Variants in GRIN2A observed in about 807,000 individuals in gnomAD.
GRIN2A encodes the protein glutamate ionotropic receptor NMDA type subunit 2A, also known as glutamate receptor ionotropic, NMDA 2A.
Under a neutral mutation model 113.4 loss-of-function variants are expected in GRIN2A, and 22 were observed. The observed-to-expected ratio is 0.19, with a 90% CI of 0.14 to 0.28. The LOEUF is 0.28. Among genes scored for constraint, GRIN2A ranks in the 10% least tolerant of loss-of-function variants. The pLI is 1.00. For synonymous variants in GRIN2A, 827 were observed against 738.4 expected (o/e 1.12, Z -1.94); for missense variants, 1,502 against 1,887.0 (o/e 0.80, Z 3.78).
intron 2 of GRIN2A, among the ~76,000 whole-genome samples, chr16:10,131,853 C>T (rs145647892): frequency 4.9e-4 from 74 of 152,158 alleles, no homozygotes; most frequent in African/African-American, 8.7e-4. Context: ...AAGAGTAATT[C>T]GCCATTATTA....
chr16:10,181,581 T>G (rs1004690822), intron 1 of GRIN2A: 7 of 152,180 alleles, frequency 4.6e-5, no homozygotes, highest in African/African-American at 1.7e-4. Context: ...TGCACAGCCC[T>G]GCGTACCTGC....
chr16:10,065,930 G>T (rs1026080883), intron 2 of GRIN2A, among the ~76,000 whole-genome samples: 2 of 152,080 alleles, frequency 1.3e-5, no homozygotes, highest in Non-Finnish European at 2.9e-5. Flanking sequence ...GGTCTCTTAC[G>T]AATAGAGAGC....
intron 2 of GRIN2A, among the ~76,000 whole-genome samples, chr16:10,177,483 T>C (rs1238786790): frequency 6.6e-6 from 1 of 152,176 alleles, no homozygotes; most frequent in Non-Finnish European, 1.5e-5. Context: ...ATCAGGAGTA[T>C]CGAATCCCCT....
intron 2 of GRIN2A, among the ~76,000 whole-genome samples, chr16:10,056,854 G>T (rs915556959): frequency 6.6e-6 from 1 of 152,184 alleles, no homozygotes; most frequent in Non-Finnish European, 1.5e-5. Context: ...CTAGCCTCTA[G>T]AACTGTGATA....
chr16:9,885,870 T>A (rs1166474589), intron 4 of GRIN2A, among the ~76,000 whole-genome samples: 1 of 152,268 alleles, frequency 6.6e-6, no homozygotes, highest in Admixed American at 6.5e-5. Context: ...GCAGTATTTG[T>A]GCATTCTAAG....
chr16:10,084,825 G>A (rs1053977144), intron 2 of GRIN2A, among the ~76,000 whole-genome samples: 2 of 151,864 alleles, frequency 1.3e-5, no homozygotes, highest in African/African-American at 4.8e-5. Flanking sequence ...GATATGGAGT[G>A]AGCTTAATGT....
intron 3 of GRIN2A, among the ~76,000 whole-genome samples, chr16:9,918,795 T>C (rs774680600): frequency 6.8e-6 from 1 of 148,088 alleles, no homozygotes; most frequent in African/African-American, 2.5e-5. Flanking sequence ...CTGTAAATTA[T>C]GCAACCAAAG....
At chr16:9,925,569 A>G (rs1435288338) in intron 3 of GRIN2A, among the ~76,000 whole-genome samples, 4 of 152,160 alleles carry the variant, frequency 2.6e-5, no homozygotes, top group Non-Finnish European at 2.9e-5. Context: ...CCACACTTGA[A>G]TCCCCTATCC....
At chr16:9,967,742 G>A (rs1216808726) in intron 2 of GRIN2A, among the ~76,000 whole-genome samples, 1 of 151,912 alleles carries the variant, frequency 6.6e-6, no homozygotes, top group African/African-American at 2.4e-5. Context: ...GGGGACTTAG[G>A]GGTAGGGAAA....
At chr16:10,140,624 G>A (rs1005772698) in intron 2 of GRIN2A, among the ~76,000 whole-genome samples, 1 of 152,144 alleles carries the variant, frequency 6.6e-6, no homozygotes, top group African/African-American at 2.4e-5. Context: ...CTCAAGTGGG[G>A]CAACTTCAGC....
intron 2 of GRIN2A, among the ~76,000 whole-genome samples, chr16:9,980,181 G>A (rs574915736): frequency 1.3e-5 from 2 of 151,628 alleles, no homozygotes; most frequent in East Asian, 1.9e-4. Context: ...GCTGAGGCAC[G>A]AGAATTGCTT....
At chr16:9,830,974 G>A (rs1203306685) in intron 8 of GRIN2A, among the ~76,000 whole-genome samples, 2 of 151,942 alleles carry the variant, frequency 1.3e-5, no homozygotes, top group Non-Finnish European at 2.9e-5. Context: ...GGAATCAGAT[G>A]TAGGCAGTTC....
intron 9 of GRIN2A, among the ~76,000 whole-genome samples, chr16:9,824,815 C>T (rs1377235675): frequency 6.6e-6 from 1 of 152,058 alleles, no homozygotes. Context: ...TGTCTGCAAT[C>T]CTTAGATTAA....
chr16:10,117,923 G>A (rs1329792781), intron 2 of GRIN2A, among the ~76,000 whole-genome samples: 1 of 152,116 alleles, frequency 6.6e-6, no homozygotes, highest in Non-Finnish European at 1.5e-5. Context: ...TGTGGACTGG[G>A]CACCCCTTGT....
At chr16:10,123,633 T>C (rs1052171517) in intron 2 of GRIN2A, among the ~76,000 whole-genome samples, 1 of 152,182 alleles carries the variant, frequency 6.6e-6, no homozygotes, top group Non-Finnish European at 1.5e-5. Context: ...AAGAGGCAGA[T>C]TCTAGCTCGG....
chr16:10,126,172 T>TA lies in GRIN2A; in HGVS notation c.414+53825_414+53826insT, dbSNP rs71133306. Among the ~76,000 whole-genome samples the TA allele has an allele frequency of 5.5e-3, 478 of 87,610 alleles. 1 individual carries two copies. The highest frequency in any genetic ancestry group is 0.018 in the African/African-American group (384 of 21,704). 57.5% of individuals were successfully genotyped at this position (87,610 alleles called of 152,430 possible). A position where few individuals can be genotyped will look rare whatever the true frequency, so the allele number is the denominator to read the frequency against. ...ATGGATTTCTTTATATATATATATA[T>TA]TTTTTTTTGAGATAGGATCTCGCTC... On this transcript the variant is annotated intron_variant, in intron 2 of 12. Coordinates refer to ENST00000330684, the MANE Select transcript of GRIN2A (RefSeq NM_001134407.3).
intron 2 of GRIN2A, among the ~76,000 whole-genome samples, chr16:10,040,284 T>A (rs539554796): frequency 5.2e-4 from 56 of 106,818 alleles, no homozygotes; most frequent in African/African-American, 1.9e-3. Context: ...CATAAACACA[T>A]CCACGTCATG....
At chr16:9,846,250 A>C (rs1202115365) in intron 5 of GRIN2A, among the ~76,000 whole-genome samples, 1 of 152,084 alleles carries the variant, frequency 6.6e-6, no homozygotes, top group African/African-American at 2.4e-5. Context: ...CTGCTTATCA[A>C]AAAAAAACTT....
intron 2 of GRIN2A, among the ~76,000 whole-genome samples, chr16:10,061,148 T>A (rs1253154459): frequency 1.3e-5 from 2 of 152,116 alleles, no homozygotes; most frequent in Non-Finnish European, 2.9e-5. Context: ...TCCTCCTTAT[T>A]CTTGTTTCCT....
Sources: allele counts gnomAD v4.1 joint callset (sites outside exome capture counted in the v4.1 genomes callset), GRCh38; gene constraint gnomAD v4.1.1; transcripts MANE v1.5; gene names NCBI Gene and HGNC (gene_info 2026-07-23, HGNC 2026-07-21).